Variants in GPT2 observed in about 807,000 individuals in gnomAD.
GPT2 encodes alanine aminotransferase 2.
A neutral mutation model predicts 56.9 loss-of-function variants in GPT2; 30 were observed. That is an observed-to-expected ratio of 0.53 (90% CI 0.39 to 0.72). The LOEUF (loss-of-function observed/expected upper bound fraction) is 0.72, where lower values mean the gene tolerates loss of function less well. GPT2 is among the 30% of genes least tolerant of loss of function. GPT2 has a pLI of 0.00. For missense variants in GPT2, 542 were observed against 703.4 expected, an observed-to-expected ratio of 0.77 and a Z score of 2.60; for synonymous variants, 271 against 283.1, an observed-to-expected ratio of 0.96 and a Z score of 0.43.
In GPT2 at chr16:46,922,373, AC is replaced by A; in HGVS notation, c.1175del (p.Pro392ArgfsTer28). On this transcript the variant is annotated frameshift_variant, in exon 9 of 12. Coordinates refer to ENST00000340124, the MANE Select transcript of GPT2 (RefSeq NM_133443.4). LOFTEE classifies it high-confidence loss of function. ...SGQAAMDIVV[N>X]PPVAGEESFE... is the part of the protein sequence containing the mutation. ...CAGGCCGCCATGGACATTGTCGTGAACCCCCCGGTGGCAGGAGAGGAGTCCT... is the reference window on the plus strand; with the variant it reads ...CAGGCCGCCATGGACATTGTCGTGAACCCCCGGTGGCAGGAGAGGAGTCCT... 6.2e-7 allele frequency: 1 copy of A among 1,613,308 alleles called. No individual in the cohort carries two copies.
rs1961479748 is a variant in GPT2 at position 46,929,137 on chromosome 16, C to T, written c.*140C>T. On this transcript the variant is annotated 3_prime_UTR_variant, in exon 12 of 12. Coordinates refer to ENST00000340124, the MANE Select transcript of GPT2 (RefSeq NM_133443.4). Reference sequence around the variant, plus strand: ...TTCGTCATCATTTTGCCCCTGGAGACGTCTTTCTTTGTGCCTTGATGTTGA... The same window carrying T: ...TTCGTCATCATTTTGCCCCTGGAGATGTCTTTCTTTGTGCCTTGATGTTGA... The T allele has an allele frequency of 4.6e-6, 3 of 658,220 alleles. No individual in the cohort carries two copies. Among genetic ancestry groups the T allele is most frequent in the African/African-American group, 1.8e-5 (1 of 54,896 alleles). The allele number at this position is 658,220 out of a possible 1,614,324, so 40.8% of individuals were successfully genotyped here. A position where few individuals can be genotyped will look rare whatever the true frequency, so the allele number is the denominator to read the frequency against.
intron 2 of GPT2, 138 bp downstream of exon 2, chr16:46,885,096 G>T: frequency 1.5e-6 from 2 of 1,355,256 alleles, no homozygotes; most frequent in Non-Finnish European, 1.9e-6. Context: ...TAAAACGAGA[G>T]AATGCCCCCT....
rs1183946723 is a variant in GPT2 at position 46,918,692 on chromosome 16, G to A, written c.972G>A (p.Gly324=). 6.2e-7 allele frequency: 1 copy of A among 1,614,180 alleles called. No homozygotes were observed. The highest frequency in any genetic ancestry group is 8.5e-7 in the Non-Finnish European group (1 of 1,180,016). ...HSFKKVLYEM[G]PEYSSNVELA... ...TCAAGAAGGTGCTGTACGAGATGGGGCCCGAGTACTCCAGCAACGTGGAGC... is the reference window on the plus strand; with the variant it reads ...TCAAGAAGGTGCTGTACGAGATGGGACCCGAGTACTCCAGCAACGTGGAGC... The change falls in exon 8 of 12, where the codon GGG becomes GGA. Residue 324 remains glycine (G), a synonymous_variant. Transcript: ENST00000340124.
chr16:46,927,647 G>A (rs905251872), intron 11 of GPT2, among the ~76,000 whole-genome samples: 1 of 152,128 alleles, frequency 6.6e-6, no homozygotes, highest in East Asian at 1.9e-4. Context: ...GGTCTCCTGC[G>A]GCAGATGCTA....
At chr16:46,922,489 C>T (rs1295169624) in intron 9 of GPT2, 73 bp downstream of exon 9, 2 of 1,427,880 alleles carry the variant, frequency 1.4e-6, no homozygotes, top group East Asian at 2.3e-5. Context: ...AGTGGCCAGC[C>T]TGTCTCCAGG....
Position 46,884,741 on chromosome 16 carries a change from G to A in GPT2, c.26G>A (p.Arg9Gln). Reference sequence around the variant, plus strand: ...ATGCAGCGGGCGGCGGCGCTGGTCCGGCGGGGCTGTGGTCCCCGGACCCCC... The same window carrying A: ...ATGCAGCGGGCGGCGGCGCTGGTCCAGCGGGGCTGTGGTCCCCGGACCCCC... MQRAAALVRRGCGPRTPSS... is the reference protein window; with the variant it reads MQRAAALVQRGCGPRTPSS... Residue 9 changes from arginine (R) to glutamine (Q), a missense_variant, in exon 2 of 12, where the codon CGG becomes CAG. Physicochemically the swap from Arg to Gln is conservative, Grantham distance 43 (BLOSUM62 1). Transcript: ENST00000340124. 1 of 1,395,702 alleles carries A rather than the reference G, an allele frequency of 7.2e-7. No individual in the cohort carries two copies. The highest frequency in any genetic ancestry group is 2.8e-5 in the East Asian group (1 of 36,118). The allele number at this position is 1,395,702 out of a possible 1,614,324, so 86.5% of individuals were successfully genotyped here. A position where few individuals can be genotyped will look rare whatever the true frequency, so the allele number is the denominator to read the frequency against.
At chr16:46,916,758 G>A in intron 7 of GPT2, 51 bp downstream of exon 7, 1 of 1,268,568 alleles carries the variant, frequency 7.9e-7, no homozygotes, top group Non-Finnish European at 1.2e-6. Context: ...CTCTTCTAGA[G>A]GGAGGGACCC....
intron 8 of GPT2, among the ~76,000 whole-genome samples, chr16:46,920,445 G>A (rs1596632064): frequency 6.6e-6 from 1 of 152,258 alleles, no homozygotes; most frequent in African/African-American, 2.4e-5. Flanking sequence ...CGTACATGGA[G>A]TGAGGCCTGG....
intron 11 of GPT2, 119 bp downstream of exon 11, chr16:46,927,156 C>T (rs1359291990): frequency 1.4e-5 from 8 of 573,134 alleles, no homozygotes; most frequent in African/African-American, 3.8e-5. Context: ...TGTCCTCTCT[C>T]GAGTCACCCC....
At chr16:46,903,060 C>T (rs1960850593) in intron 4 of GPT2, among the ~76,000 whole-genome samples, 1 of 152,008 alleles carries the variant, frequency 6.6e-6, no homozygotes, top group Non-Finnish European at 1.5e-5. Flanking sequence ...ATCAGCCTGG[C>T]CAACTTGGCG....
chr16:46,906,736 C>T (rs1960937714), intron 4 of GPT2, 106 bp from the exon 5 acceptor site: 3 of 1,466,724 alleles, frequency 2.0e-6, no homozygotes, highest in Admixed American at 1.8e-5. Context: ...CACCCCGAGA[C>T]CCTCACCCCA....
intron 2 of GPT2, among the ~76,000 whole-genome samples, chr16:46,887,390 C>T (rs892606550): frequency 6.6e-6 from 1 of 152,134 alleles, no homozygotes; most frequent in African/African-American, 2.4e-5. Flanking sequence ...ATCGCTTGAA[C>T]CCGGAAGGTG....
chr16:46,916,459 C>T (rs1043164051), intron 6 of GPT2, 169 bp from the exon 7 acceptor site: 10 of 640,336 alleles, frequency 1.6e-5, no homozygotes, highest in Non-Finnish European at 2.6e-5. Flanking sequence ...CCCTGGAGGC[C>T]GACTACACCA....
Position 46,892,736 on chromosome 16 carries a change from C to T in GPT2, c.244-4912C>T, listed in dbSNP as rs144681774. ...GTGTCTTTTGTGGAAAGACTCTTCA[C>T]ATCCTTTGTTCATTTTTACATCAGG... On this transcript the variant is annotated intron_variant, in intron 2 of 11. Coordinates refer to ENST00000340124, the MANE Select transcript of GPT2 (RefSeq NM_133443.4). Among the ~76,000 whole-genome samples, 7 of 152,322 alleles carry T rather than the reference C, an allele frequency of 4.6e-5. No homozygotes were observed. In the East Asian group the frequency reaches 1.3e-3, roughly 29 times the overall value.
At position 46,924,521 on chromosome 16, in the gene GPT2, G is replaced by C. The variant is rs771553805; in HGVS notation, c.1345G>C (p.Ala449Pro). Residue 449 changes from alanine to proline, a missense_variant, in exon 10 of 12, where the codon GCC becomes CCC. By Grantham distance (27) the Ala-to-Pro change is conservative. Transcript: ENST00000340124. ...CGCCTTCCCTCGGATCTTCATTCCT[G>C]CCAAAGCTGTGGAGGCTGCTCAGGT... ...MYAFPRIFIP[A>P]KAVEAAQAHQ... 1 of 1,614,222 alleles carries C rather than the reference G, an allele frequency of 6.2e-7. No homozygotes were observed. Among genetic ancestry groups the C allele is most frequent in the South Asian group, 1.1e-5 (1 of 91,088 alleles).
At chr16:46,924,326 A>C (rs756063436) in intron 9 of GPT2, 63 bp from the exon 10 acceptor site, 16 of 1,558,174 alleles carry the variant, frequency 1.0e-5, no homozygotes, top group Admixed American at 1.0e-4. Context: ...AGGAAAGATC[A>C]GTGGCTGGAG....
At chr16:46,924,124 A>G (rs1961350608) in intron 9 of GPT2, 1 of 488,960 alleles carries the variant, frequency 2.0e-6, no homozygotes, top group African/African-American at 1.9e-5. Flanking sequence ...TCAGGCTCAC[A>G]CAAGCTCTTC....
chr16:46,901,463 G>T (rs1960815651), intron 4 of GPT2, among the ~76,000 whole-genome samples: 1 of 152,178 alleles, frequency 6.6e-6, no homozygotes, highest in African/African-American at 2.4e-5. Flanking sequence ...TGGAGTTCCA[G>T]CCTCTGGGCC....
chr16:46,916,717 T>C lies in GPT2; in HGVS notation c.900+10T>C, dbSNP rs1961175052. ...TCTCCTGGCTGATGAGGTAAGAATGTCCCCACTCAGAGGGAGTGGGCACTA... is the reference window on the plus strand; with the variant it reads ...TCTCCTGGCTGATGAGGTAAGAATGCCCCCACTCAGAGGGAGTGGGCACTA... On this transcript the variant is annotated intron_variant, in intron 7 of 11. Coordinates refer to ENST00000340124, the MANE Select transcript of GPT2 (RefSeq NM_133443.4). The C allele has an allele frequency of 6.3e-7, 1 of 1,598,450 alleles. No homozygotes were observed. Among genetic ancestry groups the C allele is most frequent in the Non-Finnish European group, 8.6e-7 (1 of 1,166,120 alleles).
Sources: gnomAD v4.1 joint callset for allele counts (sites outside exome capture counted in the v4.1 genomes callset) on GRCh38, gnomAD v4.1.1 for gene constraint, MANE v1.5 for transcripts, NCBI Gene and HGNC (gene_info 2026-07-23, HGNC 2026-07-21) for gene names.